The following ENOX1 variants were observed in gnomAD, a reference collection of about 807,000 sequenced individuals.
ENOX1 encodes the protein candidate growth-related and time keeping constitutive hydroquinone (NADH) oxidase.
A neutral mutation model predicts 82.5 loss-of-function variants in ENOX1; 42 were observed. The observed-to-expected ratio is 0.51, with a 90% CI of 0.40 to 0.66. The LOEUF is 0.66. ENOX1 is among the 30% of genes least tolerant of loss of function. ENOX1 has a pLI of 0.00. For missense variants in ENOX1, 608 were observed against 811.6 expected (o/e 0.75, Z 3.05); for synonymous variants, 271 against 282.2 (o/e 0.96, Z 0.40).
At chr13:43,777,720 T>G (rs1214334656) in intron 1 of ENOX1, among the ~76,000 whole-genome samples, 1 of 152,010 alleles carries the variant, frequency 6.6e-6, no homozygotes, top group Non-Finnish European at 1.5e-5. Context: ...TTTTTTTTTT[T>G]TGTATTTTTA....
intron 2 of ENOX1, among the ~76,000 whole-genome samples, chr13:43,588,830 A>G (rs1170531381): frequency 6.6e-6 from 1 of 152,204 alleles, no homozygotes; most frequent in East Asian, 1.9e-4. Context: ...GTTGCATGGA[A>G]CAAAATTTTA....
chr13:43,458,899 CAG>C (rs1303126059), intron 3 of ENOX1: 1 of 152,164 alleles, frequency 6.6e-6, no homozygotes, highest in African/African-American at 2.4e-5. Context: ...TACTTGACTA[CAG>C]ACTCTCCCCC....
At chr13:43,529,347 C>T (rs943544608) in intron 2 of ENOX1, among the ~76,000 whole-genome samples, 1 of 151,968 alleles carries the variant, frequency 6.6e-6, no homozygotes, top group Non-Finnish European at 1.5e-5. Context: ...CCTTATTTGA[C>T]TTACTAATGG....
intron 3 of ENOX1, among the ~76,000 whole-genome samples, chr13:43,419,449 G>A (rs889300017): frequency 6.6e-6 from 1 of 152,098 alleles, no homozygotes; most frequent in Non-Finnish European, 1.5e-5. Flanking sequence ...AGGACGCTGG[G>A]GTGGGAGGAT....
chr13:43,530,014 G>A (rs1300930269), intron 2 of ENOX1, among the ~76,000 whole-genome samples: 1 of 152,090 alleles, frequency 6.6e-6, no homozygotes, highest in Non-Finnish European at 1.5e-5. Flanking sequence ...CTGAATCAGT[G>A]ACTAAAGTCA....
intron 2 of ENOX1, among the ~76,000 whole-genome samples, chr13:43,543,039 T>A (rs1023871787): frequency 2.0e-5 from 3 of 152,132 alleles, no homozygotes; most frequent in Non-Finnish European, 4.4e-5. Flanking sequence ...GGTGAAGATA[T>A]CAACTTATGA....
At chr13:43,334,739 T>G (rs1288711654) in intron 9 of ENOX1, among the ~76,000 whole-genome samples, 1 of 152,170 alleles carries the variant, frequency 6.6e-6, no homozygotes, top group African/African-American at 2.4e-5. Flanking sequence ...AAGTCCCTAC[T>G]TTTTTTGTGT....
chr13:43,288,132 A>G (rs1337683803), intron 12 of ENOX1, among the ~76,000 whole-genome samples: 1 of 152,226 alleles, frequency 6.6e-6, no homozygotes, highest in East Asian at 1.9e-4. Flanking sequence ...GAATGGATAA[A>G]AAATGAAATT....
intron 2 of ENOX1, among the ~76,000 whole-genome samples, chr13:43,502,734 C>T (rs894866344): frequency 2.6e-5 from 4 of 151,448 alleles, no homozygotes; most frequent in Non-Finnish European, 5.9e-5. Flanking sequence ...ACATGAAAAG[C>T]CCATATGTAT....
intron 3 of ENOX1, among the ~76,000 whole-genome samples, chr13:43,428,634 C>A (rs2055469589): frequency 6.6e-6 from 1 of 152,116 alleles, no homozygotes. Context: ...CTGCCAGAAC[C>A]TTCTTCTGTT....
At chr13:43,311,268 A>G (rs940050891) in intron 11 of ENOX1, among the ~76,000 whole-genome samples, 1 of 152,114 alleles carries the variant, frequency 6.6e-6, no homozygotes, top group African/African-American at 2.4e-5. Flanking sequence ...GATACCAGCT[A>G]TGAGGCTTAG....
At chr13:43,336,198 G>A (rs2048700100) in intron 9 of ENOX1, among the ~76,000 whole-genome samples, 1 of 152,222 alleles carries the variant, frequency 6.6e-6, no homozygotes, top group African/African-American at 2.4e-5. Flanking sequence ...GTTTGGCTGA[G>A]ATGTTCCTAA....
At chr13:43,385,863 C>T (rs1259037135) in intron 5 of ENOX1, among the ~76,000 whole-genome samples, 4 of 152,080 alleles carry the variant, frequency 2.6e-5, no homozygotes, top group Non-Finnish European at 4.4e-5. Flanking sequence ...AATAAAATTA[C>T]ATTATTAAAA....
intron 11 of ENOX1, among the ~76,000 whole-genome samples, chr13:43,302,426 A>T (rs929915633): frequency 6.6e-6 from 1 of 152,222 alleles, no homozygotes; most frequent in Non-Finnish European, 1.5e-5. Context: ...TAAGGCCAGC[A>T]CAGTCACCCA....
chr13:43,540,070 T>C (rs962247312), intron 2 of ENOX1, among the ~76,000 whole-genome samples: 4 of 152,230 alleles, frequency 2.6e-5, no homozygotes, highest in Non-Finnish European at 4.4e-5. Context: ...ATCTCTTGAA[T>C]GTAGCATTAA....
At chr13:43,310,417 ACTTC>A (rs1277254582) in intron 11 of ENOX1, among the ~76,000 whole-genome samples, 1 of 152,048 alleles carries the variant, frequency 6.6e-6, no homozygotes, top group Non-Finnish European at 1.5e-5. Flanking sequence ...TTTAAAAATG[ACTTC>A]CTTCCAATTA....
At chr13:43,357,302 GGGGAT>G (rs1566593671) in intron 7 of ENOX1, among the ~76,000 whole-genome samples, 1 of 152,124 alleles carries the variant, frequency 6.6e-6, no homozygotes, top group African/African-American at 2.4e-5. Context: ...TTTAGCACTT[GGGGAT>G]AAACCTCAGC....
chr13:43,342,624 C>T (rs2049134959), intron 9 of ENOX1, among the ~76,000 whole-genome samples: 1 of 152,164 alleles, frequency 6.6e-6, no homozygotes, highest in African/African-American at 2.4e-5. Flanking sequence ...GTTCTGCTCA[C>T]CCACTCCCTT....
At chr13:43,653,617 A>T (rs2084295900) in intron 2 of ENOX1, among the ~76,000 whole-genome samples, 1 of 151,982 alleles carries the variant, frequency 6.6e-6, no homozygotes, top group African/African-American at 2.4e-5. Context: ...TGCAAAAGAC[A>T]GTAAATTCTA....
Sources: allele counts gnomAD v4.1 joint callset (sites outside exome capture counted in the v4.1 genomes callset), GRCh38; gene constraint gnomAD v4.1.1; transcripts MANE v1.5; gene names NCBI Gene and HGNC (gene_info 2026-07-23, HGNC 2026-07-21).